Variants in B3GNT2 observed in about 807,000 individuals in gnomAD.
The protein encoded by B3GNT2 is N-acetyllactosaminide beta-1,3-N-acetylglucosaminyltransferase 2.
B3GNT2 carries 12 observed loss-of-function variants against 27.6 expected under a neutral mutation model. The observed-to-expected ratio is 0.44, with a 90% confidence interval of 0.28 to 0.71. The LOEUF is 0.71. Ranked by LOEUF, B3GNT2 falls within the 30% of genes least tolerant of loss-of-function variation. The pLI is 0.17. For synonymous variants in B3GNT2, 192 were observed against 189.7 expected (o/e 1.01, Z -0.10); for missense variants, 413 against 488.5 (o/e 0.85, Z 1.46).
At chr2:62,216,742 A>T (rs1674582739) in intron 1 of B3GNT2, among the ~76,000 whole-genome samples, 1 of 152,186 alleles carries the variant, frequency 6.6e-6, no homozygotes, top group African/African-American at 2.4e-5. Context: ...ACAGTAGGAA[A>T]ATGGGCGCCC....
chr2:62,208,555 G>A (rs1046844501), intron 1 of B3GNT2, among the ~76,000 whole-genome samples: 3 of 152,126 alleles, frequency 2.0e-5, no homozygotes, highest in Non-Finnish European at 2.9e-5. Context: ...GGGAAAGCTC[G>A]GGAATTGGTA....
intron 1 of B3GNT2, among the ~76,000 whole-genome samples, chr2:62,214,370 G>T (rs868746774): frequency 6.7e-6 from 1 of 150,132 alleles, no homozygotes; most frequent in Non-Finnish European, 1.5e-5. Flanking sequence ...GCTACCAGTG[G>T]CGTAATAGAA....
chr2:62,200,449 G>GA (rs1484871413), intron 1 of B3GNT2, among the ~76,000 whole-genome samples: 1 of 152,096 alleles, frequency 6.6e-6, no homozygotes, highest in African/African-American at 2.4e-5. Flanking sequence ...CAGAATGTTT[G>GA]AAAAAAATGA....
Position 62,223,507 on chromosome 2 carries a change from T to C in B3GNT2, c.*93T>C, listed in dbSNP as rs1674764443. 3 of 1,182,046 alleles carry C rather than the reference T, an allele frequency of 2.5e-6. No individual in the cohort carries two copies. The highest frequency in any genetic ancestry group is 3.5e-6 in the Non-Finnish European group (3 of 849,882). 73.2% of individuals were successfully genotyped at this position (1,182,046 alleles called of 1,614,324 possible). ...TTAGAGTAATTTCTATATTAAACCA[T>C]GAAAATTGCCTTTATGAGTGATACC... On this transcript the variant is annotated 3_prime_UTR_variant, in exon 2 of 2. Transcript: ENST00000301998.
intron 1 of B3GNT2, among the ~76,000 whole-genome samples, chr2:62,210,777 T>C (rs55918719): frequency 4.0e-5 from 6 of 151,096 alleles, no homozygotes; most frequent in Non-Finnish European, 1.5e-5. Context: ...TCAAAAAAAA[T>C]AATAATAATA....
At chr2:62,210,674 G>A (rs1353332731) in intron 1 of B3GNT2, among the ~76,000 whole-genome samples, 1 of 151,968 alleles carries the variant, frequency 6.6e-6, no homozygotes, top group Non-Finnish European at 1.5e-5. Context: ...GGAGGCAGAG[G>A]TAGGAGAATC....
chr2:62,212,938 C>T (rs1174843781), intron 1 of B3GNT2, among the ~76,000 whole-genome samples: 2 of 152,118 alleles, frequency 1.3e-5, no homozygotes, highest in African/African-American at 4.8e-5. Flanking sequence ...TTAGAGATTT[C>T]TGAGGGCTCA....
At chr2:62,211,126 C>A (rs989237305) in intron 1 of B3GNT2, among the ~76,000 whole-genome samples, 3 of 152,100 alleles carry the variant, frequency 2.0e-5, no homozygotes, top group African/African-American at 7.2e-5. Context: ...GAGGCTGAGG[C>A]AGGTGGATCA....
At chr2:62,206,768 G>C (rs1206962853) in intron 1 of B3GNT2, among the ~76,000 whole-genome samples, 3 of 152,176 alleles carry the variant, frequency 2.0e-5, no homozygotes, top group Non-Finnish European at 4.4e-5. Context: ...GCTTTTGGAA[G>C]AGCGAGTCAG....
In B3GNT2 at chr2:62,223,831, C is replaced by T. The variant is rs531270418; in HGVS notation, c.*417C>T. ...CTACAAAGACTTTGTTAAACATTAT[C>T]CAGTGGTTTTCGTGAAATGGAATTA... On this transcript the variant is annotated 3_prime_UTR_variant, in exon 2 of 2. Transcript: ENST00000301998. The T allele has an allele frequency of 5.9e-6, 1 of 168,926 alleles. No individual in the cohort carries two copies. The highest frequency in any genetic ancestry group is 1.4e-5 in the Non-Finnish European group (1 of 69,498). The allele number at this position is 168,926 out of a possible 1,614,324, so 10.5% of individuals were successfully genotyped here. A position where few individuals can be genotyped will look rare whatever the true frequency, so the allele number is the denominator to read the frequency against.
intron 1 of B3GNT2, among the ~76,000 whole-genome samples, chr2:62,221,033 G>A (rs1234350270): frequency 6.6e-6 from 1 of 152,140 alleles, no homozygotes. Flanking sequence ...GCATACATCC[G>A]TGGAGCCTTC....
chr2:62,222,561 A>T lies in B3GNT2; in HGVS notation c.341A>T (p.Asp114Val). ...SVVTGFNNLP[D>V]RFKDFLLYLR... is the part of the protein sequence containing the mutation. Reference sequence around the variant, plus strand: ...GTTACGGGTTTTAACAACTTGCCGGACAGATTTAAAGACTTTCTGCTGTAT... The same window carrying T: ...GTTACGGGTTTTAACAACTTGCCGGTCAGATTTAAAGACTTTCTGCTGTAT... The change falls in exon 2 of 2, where the codon GAC (aspartate) becomes GTC (valine). Residue 114 changes from aspartate (D) to valine (V), a missense_variant. Transcript: ENST00000301998. This position sits in a 1 kb window ranked among gnomAD's most constrained non-coding sequence, Gnocchi z 4.2. The T allele has an allele frequency of 6.2e-7, 1 of 1,614,202 alleles. No individual in the cohort carries two copies. The highest frequency in any genetic ancestry group is 8.5e-7 in the Non-Finnish European group (1 of 1,180,032).
chr2:62,217,874 A>G (rs1437381626), intron 1 of B3GNT2, among the ~76,000 whole-genome samples: 1 of 152,170 alleles, frequency 6.6e-6, no homozygotes, highest in African/African-American at 2.4e-5. Flanking sequence ...TCTCTGTTAT[A>G]CTGTCTTTCT....
chr2:62,208,554 C>T (rs991617812), intron 1 of B3GNT2, among the ~76,000 whole-genome samples: 3 of 151,956 alleles, frequency 2.0e-5, no homozygotes, highest in African/African-American at 4.8e-5. Flanking sequence ...GGGGAAAGCT[C>T]GGGAATTGGT....
intron 1 of B3GNT2, among the ~76,000 whole-genome samples, chr2:62,219,125 A>G (rs1314884815): frequency 1.3e-5 from 2 of 152,152 alleles, no homozygotes; most frequent in Non-Finnish European, 2.9e-5. Flanking sequence ...TCATTTTTAC[A>G]TGTTATTCAC....
chr2:62,209,347 T>C (rs1393112922), intron 1 of B3GNT2, among the ~76,000 whole-genome samples: 2 of 152,138 alleles, frequency 1.3e-5, no homozygotes, highest in Non-Finnish European at 1.5e-5. Context: ...TGCCTTGGTC[T>C]CCTCTGCTGT....
intron 1 of B3GNT2, among the ~76,000 whole-genome samples, chr2:62,197,943 C>A (rs1307991138): frequency 6.6e-6 from 1 of 152,182 alleles, no homozygotes; most frequent in African/African-American, 2.4e-5. Flanking sequence ...TACTCGGAGC[C>A]CATGCGCTCT....
chr2:62,217,637 C>T (rs1674601653), intron 1 of B3GNT2, among the ~76,000 whole-genome samples: 1 of 152,212 alleles, frequency 6.6e-6, no homozygotes, highest in African/African-American at 2.4e-5. Flanking sequence ...GGCTGTGGAA[C>T]AGGGAACCCC....
rs756837689 is a variant in B3GNT2 at position 62,223,079 on chromosome 2, C to G, written c.859C>G (p.Leu287Val). Residue 287 changes from leucine (L) to valine (V), a missense_variant, in exon 2 of 2, where the codon CTG becomes GTG. Leu to Val is a conservative substitution (Grantham distance 32). Transcript: ENST00000301998. ...TGCTGGACCTCATCGGGATAAGAAGCTGAAGTACTACATCCCAGAAGTTGT... is the reference window on the plus strand; with the variant it reads ...TGCTGGACCTCATCGGGATAAGAAGGTGAAGTACTACATCCCAGAAGTTGT... Reference protein sequence around the residue: ...HNAGPHRDKKLKYYIPEVVYS... With the variant: ...HNAGPHRDKKVKYYIPEVVYS... 1 of 1,614,248 alleles carries G rather than the reference C, an allele frequency of 6.2e-7. No individual in the cohort carries two copies. The highest frequency in any genetic ancestry group is 8.5e-7 in the Non-Finnish European group (1 of 1,180,056).
Sources: gnomAD v4.1 joint callset for allele counts (sites outside exome capture counted in the v4.1 genomes callset) on GRCh38, gnomAD v4.1.1 for gene constraint, Gnocchi (gnomAD v3.1) non-coding constraint, MANE v1.5 for transcripts, NCBI Gene and HGNC (gene_info 2026-07-23, HGNC 2026-07-21) for gene names.